The following ARHGAP26 variants were observed in gnomAD, a reference collection of about 807,000 sequenced individuals.
ARHGAP26 encodes the protein rho GTPase-activating protein 26.
ARHGAP26 carries 38 observed loss-of-function variants against 104.8 expected under a neutral mutation model. The ratio of observed to expected loss-of-function variants is 0.36; its 90% CI spans 0.28 to 0.48. ARHGAP26 has a LOEUF of 0.48. ARHGAP26 is among the 20% of genes least tolerant of loss of function. The pLI, the probability that ARHGAP26 is intolerant of heterozygous loss-of-function variation, is 0.99. For missense variants in ARHGAP26, 704 were observed against 947.9 expected (o/e 0.74, Z 3.38); for synonymous variants, 341 against 340.0 (o/e 1.00, Z -0.03).
At chr5:142,956,408 T>C (rs1235977015) in intron 11 of ARHGAP26, among the ~76,000 whole-genome samples, 3 of 151,994 alleles carry the variant, frequency 2.0e-5, no homozygotes, top group Admixed American at 6.6e-5. Flanking sequence ...AGAACTGGTC[T>C]CTACTAAAAA....
chr5:143,228,419 CA>C lies in ARHGAP26; in HGVS notation c.*5974del. On this transcript the variant is annotated 3_prime_UTR_variant, in exon 23 of 23. Transcript: ENST00000645722. ...ATTAAAATGATTAAAGATGTAAATT[CA>C]GTGCCATTTTAAAACTGTTCATATT... The C allele has an allele frequency of 4.5e-6, 1 of 220,526 alleles. No individual in the cohort carries two copies. Among genetic ancestry groups the C allele is most frequent in the Non-Finnish European group, 9.1e-6 (1 of 110,030 alleles). 13.7% of individuals were successfully genotyped at this position (220,526 alleles called of 1,614,324 possible).
intron 17 of ARHGAP26, among the ~76,000 whole-genome samples, chr5:143,104,281 A>T (rs1409724368): frequency 2.0e-5 from 3 of 152,144 alleles, no homozygotes; most frequent in Admixed American, 6.5e-5. Context: ...AAGCCGAAGC[A>T]GGTGGATCAT....
chr5:143,053,819 A>AT (rs1352322290), intron 14 of ARHGAP26, among the ~76,000 whole-genome samples: 1 of 152,242 alleles, frequency 6.6e-6, no homozygotes. Flanking sequence ...CCTTGTTCAT[A>AT]TAAAAAGTTC....
At chr5:142,910,137 G>A (rs1761641307) in intron 9 of ARHGAP26, among the ~76,000 whole-genome samples, 1 of 152,138 alleles carries the variant, frequency 6.6e-6, no homozygotes, top group Non-Finnish European at 1.5e-5. Context: ...TTTAAATTAT[G>A]TTTTATATTT....
chr5:143,054,935 C>T (rs1387636744), intron 15 of ARHGAP26, among the ~76,000 whole-genome samples: 1 of 152,210 alleles, frequency 6.6e-6, no homozygotes, highest in Non-Finnish European at 1.5e-5. Flanking sequence ...ACATTGCTGA[C>T]AATGGTTCTT....
At chr5:142,949,164 CCAGAGAGAGAGAGAGAGA>C (rs1311610280) in intron 11 of ARHGAP26, among the ~76,000 whole-genome samples, 21 of 40,604 alleles carry the variant, frequency 5.2e-4, no homozygotes, top group South Asian at 3.2e-3. Flanking sequence ...AGTTGAATTT[CCAGAGAGAGAGAGAGAGA>C]GAGAGAGAGA....
chr5:143,122,546 T>G lies in ARHGAP26; in HGVS notation c.1698+1399T>G, dbSNP rs180729110. Among the ~76,000 whole-genome samples, 203 of 152,364 alleles carry G rather than the reference T, an allele frequency of 1.3e-3. 1 individual carries two copies. Among genetic ancestry groups the G allele is most frequent in the African/African-American group, 4.7e-3 (196 of 41,584 alleles). On this transcript the variant is annotated intron_variant, in intron 18 of 22. Transcript: ENST00000645722. ...GTTTAGTTTAAAGATGTTAATTGAC[T>G]TTTATTTGCGATTCTAGAATTGGGC...
intron 20 of ARHGAP26, among the ~76,000 whole-genome samples, chr5:143,191,344 G>GA (rs1193428505): frequency 1.3e-5 from 2 of 152,156 alleles, no homozygotes; most frequent in African/African-American, 4.8e-5. Context: ...TGCTTGAGTG[G>GA]ACAAATATGC....
At chr5:142,801,367 G>A (rs1475592359) in intron 1 of ARHGAP26, among the ~76,000 whole-genome samples, 2 of 151,986 alleles carry the variant, frequency 1.3e-5, no homozygotes, top group South Asian at 2.1e-4. Flanking sequence ...TTAAAATCTT[G>A]TATGTACTGT....
chr5:142,847,865 T>C (rs1772341087), intron 1 of ARHGAP26, among the ~76,000 whole-genome samples: 1 of 152,202 alleles, frequency 6.6e-6, no homozygotes, highest in Non-Finnish European at 1.5e-5. Context: ...ACATTGCTGG[T>C]GGAGTGAACA....
In ARHGAP26 at chr5:143,147,294, T is replaced by A. The variant is rs1469205859; in HGVS notation, c.1901T>A (p.Ile634Asn). Residue 634 changes from isoleucine (I) to asparagine (N), a missense_variant, in exon 20 of 23, where the codon ATC (isoleucine) becomes AAC (asparagine). Around this residue, in one of 6 missense-constraint regions of ARHGAP26, gnomAD observed 217 missense variants for 242.6 expected, o/e 0.89. Coordinates refer to ENST00000645722, the MANE Select transcript of ARHGAP26 (RefSeq NM_001135608.3). Reference sequence around the variant, plus strand: ...TCTGTCTCATCAAATCCAAACAGCATCCTTAATTCCAGCAGCAGCTTACAG... The same window carrying A: ...TCTGTCTCATCAAATCCAAACAGCAACCTTAATTCCAGCAGCAGCTTACAG... ...LESVSSNPNS[I>N]LNSSSSLQPN... 1 of 1,614,052 alleles carries A rather than the reference T, an allele frequency of 6.2e-7. No homozygotes were observed. Among genetic ancestry groups the A allele is most frequent in the East Asian group, 2.2e-5 (1 of 44,868 alleles).
chr5:142,837,924 G>A (rs959298729), intron 1 of ARHGAP26, among the ~76,000 whole-genome samples: 2 of 152,084 alleles, frequency 1.3e-5, no homozygotes, highest in Admixed American at 6.6e-5. Flanking sequence ...TTCCCTGCAG[G>A]GATATTGGCA....
chr5:142,833,773 C>G (rs1232164294), intron 1 of ARHGAP26, among the ~76,000 whole-genome samples: 1 of 152,230 alleles, frequency 6.6e-6, no homozygotes, highest in East Asian at 1.9e-4. Flanking sequence ...TCTGTGTAAT[C>G]TACCAAGAGA....
intron 20 of ARHGAP26, among the ~76,000 whole-genome samples, chr5:143,179,061 G>A (rs1044668045): frequency 2.0e-5 from 3 of 151,988 alleles, no homozygotes; most frequent in Admixed American, 6.5e-5. Context: ...GTAGAGACCC[G>A]GTTTCACCAT....
In ARHGAP26 at chr5:143,166,651, G is replaced by A. The variant is rs115110998; in HGVS notation, c.1988+19270G>A. Among the ~76,000 whole-genome samples the A allele has an allele frequency of 9.1e-3, 1,380 of 152,238 alleles. 23 individuals are homozygous for A. Among genetic ancestry groups the A allele is most frequent in the African/African-American group, 0.032 (1,320 of 41,546 alleles). On this transcript the variant is annotated intron_variant, in intron 20 of 22. Coordinates refer to ENST00000645722, the MANE Select transcript of ARHGAP26 (RefSeq NM_001135608.3). The stretch of plus-strand genomic sequence containing the variant: ...CATTCTCCTTAGAATTTCACCTGCT[G>A]CTTTGCTAAATTCTCTGCCATCCAG...
rs528620657 is a variant in ARHGAP26 at position 143,201,773 on chromosome 5, CCTT to C, written c.1989-5422_1989-5420del. Among the ~76,000 whole-genome samples the C allele has an allele frequency of 7.9e-5, 12 of 152,304 alleles. No individual in the cohort carries two copies. The South Asian group carries it at 1.4e-3, about 18-fold the overall frequency. On this transcript the variant is annotated intron_variant, in intron 20 of 22. Coordinates refer to ENST00000645722, the MANE Select transcript of ARHGAP26 (RefSeq NM_001135608.3). ...TCTCTATTTCTTGTCTGTTTACAGT[CCTT>C]CTGTTGCGACATGCATCTTTGCAGT...
intron 20 of ARHGAP26, chr5:143,203,613 A>G (rs1808110458): frequency 6.6e-6 from 1 of 152,258 alleles, no homozygotes; most frequent in Non-Finnish European, 1.5e-5. Context: ...CTATAAAGAC[A>G]CATGCACACG....
intron 19 of ARHGAP26, among the ~76,000 whole-genome samples, chr5:143,140,565 G>T (rs775943817): frequency 1.3e-5 from 2 of 152,110 alleles, no homozygotes; most frequent in African/African-American, 2.4e-5. Flanking sequence ...TTATCATCAC[G>T]CTGTAGTTGT....
chr5:143,005,351 G>T (rs1235047013), intron 11 of ARHGAP26, among the ~76,000 whole-genome samples: 1 of 152,214 alleles, frequency 6.6e-6, no homozygotes, highest in Non-Finnish European at 1.5e-5. Flanking sequence ...TGTTTTCCTA[G>T]CAACACAAGG....
Sources: allele counts gnomAD v4.1 joint callset (sites outside exome capture counted in the v4.1 genomes callset), GRCh38; gene constraint gnomAD v4.1.1; regional missense constraint gnomAD v4.1.1; transcripts MANE v1.5; gene names NCBI Gene and HGNC (gene_info 2026-07-23, HGNC 2026-07-21).